The following ARFGEF2 variants were observed in gnomAD, a reference collection of about 807,000 sequenced individuals.
ARFGEF2 encodes the protein ARF guanine nucleotide exchange factor 2.
A neutral mutation model predicts 219.9 loss-of-function variants in ARFGEF2; 74 were observed. The observed-to-expected ratio is 0.34, with a 90% CI of 0.28 to 0.41. The LOEUF is 0.41. Ranked by LOEUF, ARFGEF2 falls within the 10% of genes least tolerant of loss-of-function variation. The probability of loss-of-function intolerance (pLI) is 1.00; values close to 1 mark genes in which losing one functional copy is unlikely to be tolerated. For missense variants in ARFGEF2, 1,743 were observed against 2,218.3 expected (o/e 0.79, Z 4.30); for synonymous variants, 733 against 799.2 (o/e 0.92, Z 1.40).
chr20:48,946,391 A>G (rs2091026914), intron 3 of ARFGEF2, among the ~76,000 whole-genome samples: 1 of 152,072 alleles, frequency 6.6e-6, no homozygotes, highest in Non-Finnish European at 1.5e-5. Flanking sequence ...GCTTCCCCGC[A>G]GCCAGGGCTC....
intron 3 of ARFGEF2, among the ~76,000 whole-genome samples, chr20:48,949,612 C>A (rs2091052179): frequency 6.6e-6 from 1 of 152,094 alleles, no homozygotes; most frequent in African/African-American, 2.4e-5. Flanking sequence ...CTACTCTCAG[C>A]CACTCTCTCA....
chr20:48,958,686 C>T (rs1008036912), intron 6 of ARFGEF2, among the ~76,000 whole-genome samples: 1 of 152,096 alleles, frequency 6.6e-6, no homozygotes, highest in Non-Finnish European at 1.5e-5. Flanking sequence ...TCGTGATCTG[C>T]CCACCTCGGC....
At chr20:48,945,265 C>T (rs2091018632) in intron 3 of ARFGEF2, among the ~76,000 whole-genome samples, 1 of 152,134 alleles carries the variant, frequency 6.6e-6, no homozygotes, top group Admixed American at 6.5e-5. Flanking sequence ...TATGCCCATT[C>T]GTTTATGTAT....
intron 1 of ARFGEF2, among the ~76,000 whole-genome samples, chr20:48,922,603 C>T (rs2090850133): frequency 6.6e-6 from 1 of 152,224 alleles, no homozygotes; most frequent in Admixed American, 6.5e-5. Flanking sequence ...GTCTTCAGCG[C>T]GAAGATACTT....
chr20:49,027,078 T>A lies in ARFGEF2; in HGVS notation c.4925-1452T>A, dbSNP rs146918522. ...GTTTTTAAGAATGTGTTCTTTTTTT[T>A]TTATTATTTATTTTTTTATTTTTTG... On this transcript the variant is annotated intron_variant, in intron 36 of 38. Transcript: ENST00000371917. Among the ~76,000 whole-genome samples, 106 of 152,108 alleles carry A rather than the reference T, an allele frequency of 7.0e-4. 1 individual carries two copies. In the East Asian group the frequency reaches 0.012, roughly 18 times the overall value.
intron 26 of ARFGEF2, among the ~76,000 whole-genome samples, chr20:49,005,721 G>C (rs901653752): frequency 2.6e-5 from 3 of 116,110 alleles, no homozygotes; most frequent in African/African-American, 1.0e-4. Context: ...CTGGGTGAAA[G>C]AGCAAGACTC....
At chr20:49,021,417 A>G (rs534366231) in intron 34 of ARFGEF2, among the ~76,000 whole-genome samples, 1 of 152,330 alleles carries the variant, frequency 6.6e-6, no homozygotes, top group East Asian at 1.9e-4. Flanking sequence ...ACTGTAGACA[A>G]ACCAGTGAAC....
chr20:48,984,850 G>C lies in ARFGEF2; in HGVS notation c.2070+10G>C. 6.2e-7 allele frequency: 1 copy of C among 1,612,268 alleles called. No homozygotes were observed. The highest frequency in any genetic ancestry group is 8.5e-7 in the Non-Finnish European group (1 of 1,180,010). On this transcript the variant is annotated intron_variant, in intron 15 of 38. Transcript: ENST00000371917. ...GGAGCGCCTGGATTCCGTAAGGCTTGGGGGTGTAGCACTTGCATGTGAGTT... is the reference window on the plus strand; with the variant it reads ...GGAGCGCCTGGATTCCGTAAGGCTTCGGGGTGTAGCACTTGCATGTGAGTT...
At chr20:49,019,098 C>T in intron 34 of ARFGEF2, 100 bp downstream of exon 34, 1 of 1,002,208 alleles carries the variant, frequency 1.0e-6, no homozygotes, top group Non-Finnish European at 1.5e-6. Context: ...CTTCTTCTGC[C>T]CTGTGCCTCA....
At chr20:48,945,629 G>A (rs552197374) in intron 3 of ARFGEF2, among the ~76,000 whole-genome samples, 3 of 152,292 alleles carry the variant, frequency 2.0e-5, no homozygotes, top group African/African-American at 7.2e-5. Flanking sequence ...TTTGAGGCAG[G>A]AGGATCACTT....
chr20:48,989,185 G>A, intron 18 of ARFGEF2, 100 bp from the exon 19 acceptor site: 1 of 1,325,784 alleles, frequency 7.5e-7, no homozygotes, highest in South Asian at 1.2e-5. Context: ...TGGTTGGGAG[G>A]ATTTAGGAGT....
In ARFGEF2 at chr20:49,036,288, G is replaced by C. The variant is rs998778888; in HGVS notation, c.*3089G>C. The C allele has an allele frequency of 5.0e-6, 2 of 398,192 alleles. No individual in the cohort carries two copies. Among genetic ancestry groups the C allele is most frequent in the Admixed American group, 8.8e-5 (2 of 22,702 alleles). The allele number at this position is 398,192 out of a possible 1,614,324, so 24.7% of individuals were successfully genotyped here. ...TTTGGGAAACAAAGAAACCAAAGCT[G>C]AGTGTTTTAAAGAATGAACATATCT... On this transcript the variant is annotated 3_prime_UTR_variant, in exon 39 of 39. Transcript: ENST00000371917.
chr20:48,928,824 G>A (rs1268260111), intron 1 of ARFGEF2, among the ~76,000 whole-genome samples: 2 of 152,224 alleles, frequency 1.3e-5, no homozygotes, highest in East Asian at 3.9e-4. Context: ...AAAAGGAACT[G>A]AATGCTTGCC....
At chr20:48,937,715 T>C (rs537442336) in intron 1 of ARFGEF2, among the ~76,000 whole-genome samples, 54 of 152,348 alleles carry the variant, frequency 3.5e-4, no homozygotes, top group Non-Finnish European at 6.9e-4. Context: ...AGGTAGCAAC[T>C]CTTTCCTGGT....
chr20:48,936,119 G>C (rs1335952672), intron 1 of ARFGEF2, among the ~76,000 whole-genome samples: 1 of 140,034 alleles, frequency 7.1e-6, no homozygotes, highest in African/African-American at 2.7e-5. Flanking sequence ...TGGCCGGGCG[G>C]GGGGCTGACC....
At chr20:49,025,761 C>A (rs1168689939) in intron 36 of ARFGEF2, among the ~76,000 whole-genome samples, 1 of 151,986 alleles carries the variant, frequency 6.6e-6, no homozygotes, top group Non-Finnish European at 1.5e-5. Context: ...CAGCCAAGAT[C>A]ACTTGAGGCC....
chr20:49,013,766 ACT>A (rs1600546116), intron 29 of ARFGEF2, 63 bp from the exon 30 acceptor site: 2 of 1,612,902 alleles, frequency 1.2e-6, no homozygotes, highest in East Asian at 4.5e-5. Flanking sequence ...ACCTGACCCC[ACT>A]CTCTTCTCTG....
intron 36 of ARFGEF2, among the ~76,000 whole-genome samples, chr20:49,026,541 G>A (rs980392011): frequency 1.4e-4 from 21 of 150,150 alleles, no homozygotes; most frequent in African/African-American, 5.1e-4. Context: ...TTGCATACAA[G>A]TGATACTTTA....
chr20:48,974,200 A>T (rs1396194348), intron 12 of ARFGEF2, among the ~76,000 whole-genome samples: 1 of 130,836 alleles, frequency 7.6e-6, no homozygotes, highest in East Asian at 2.2e-4. Context: ...ATCTCAGCTC[A>T]CTGCAACCTC....
Sources: allele counts gnomAD v4.1 joint callset (sites outside exome capture counted in the v4.1 genomes callset), GRCh38; gene constraint gnomAD v4.1.1; transcripts MANE v1.5; gene names NCBI Gene and HGNC (gene_info 2026-07-23, HGNC 2026-07-21).